Variants in RGS17 observed in about 807,000 individuals in gnomAD.
The protein encoded by RGS17 is regulator of G protein signaling 17, also known as regulator of G-protein signaling 17.
In RGS17, 12 loss-of-function variants were observed where a neutral mutation model predicts 25.5. That is an observed-to-expected ratio of 0.47 (90% CI 0.30 to 0.76). RGS17 has a LOEUF of 0.76. Ranked by LOEUF, RGS17 falls within the 30% of genes least tolerant of loss-of-function variation. The pLI, the probability that RGS17 is intolerant of heterozygous loss-of-function variation, is 0.07. For synonymous variants in RGS17, 71 were observed against 76.9 expected, an observed-to-expected ratio of 0.92 and a Z score of 0.40; for missense variants, 196 against 242.2, an observed-to-expected ratio of 0.81 and a Z score of 1.27.
chr6:153,023,383 C>T (rs747958122), intron 4 of RGS17: 1 of 510,472 alleles, frequency 2.0e-6, no homozygotes, highest in Non-Finnish European at 3.9e-6. Flanking sequence ...AGAAGACATT[C>T]TAGGAACCTC....
At chr6:153,122,673 C>T (rs1326987295) in intron 1 of RGS17, among the ~76,000 whole-genome samples, 2 of 151,870 alleles carry the variant, frequency 1.3e-5, no homozygotes, top group Non-Finnish European at 2.9e-5. Flanking sequence ...AACATTTGAG[C>T]TCTTGATATG....
intron 1 of RGS17, among the ~76,000 whole-genome samples, chr6:153,112,874 A>G (rs184591547): frequency 6.6e-6 from 1 of 152,334 alleles, no homozygotes; most frequent in African/African-American, 2.4e-5. Context: ...GCAAATGCTG[A>G]GAGATTTTGT....
Position 153,044,015 on chromosome 6 carries a change from G to A in RGS17, c.4C>T (p.Arg2Ter), listed in dbSNP as rs746172990. 4 of 1,603,306 alleles carry A rather than the reference G, an allele frequency of 2.5e-6. No homozygotes were observed. The highest frequency in any genetic ancestry group is 3.4e-6 in the Non-Finnish European group (4 of 1,171,538). The change falls in exon 2 of 5, where the codon CGA becomes TGA. Residue 2 changes from arginine (R) to a stop codon, truncating the protein, a stop_gained. Coordinates refer to ENST00000206262, the MANE Select transcript of RGS17 (RefSeq NM_012419.5). LOFTEE classifies it high-confidence loss of function. M[R>*]KRQQSQNEGT... ...TCATTTTGGGACTGCTGCCTTTTTC[G>A]CATTTCAGCTACTTCAGGACCCAGT...
At chr6:153,078,525 T>C (rs1776920372) in intron 1 of RGS17, among the ~76,000 whole-genome samples, 1 of 152,054 alleles carries the variant, frequency 6.6e-6, no homozygotes, top group African/African-American at 2.4e-5. Context: ...TAAAATACAA[T>C]AGGGTTTATA....
intron 1 of RGS17, among the ~76,000 whole-genome samples, chr6:153,053,428 G>C (rs1342170819): frequency 6.6e-6 from 1 of 152,168 alleles, no homozygotes; most frequent in Non-Finnish European, 1.5e-5. Flanking sequence ...GGCTGTGATT[G>C]CAAAAGAAAG....
chr6:153,012,454 A>G (rs1204861015), intron 4 of RGS17, among the ~76,000 whole-genome samples: 1 of 152,220 alleles, frequency 6.6e-6, no homozygotes, highest in African/African-American at 2.4e-5. Context: ...GATAATCAAT[A>G]CAGTGTTATT....
chr6:153,011,232 TACA>T lies in RGS17; in HGVS notation c.*339_*341del. On this transcript the variant is annotated 3_prime_UTR_variant, in exon 5 of 5. Transcript: ENST00000206262. ...TAAGTTATGCTACTGGATTAAATAT[TACA>T]ACAACTATGTGGCAAATGAAGCATT... is the stretch of plus-strand genomic sequence containing the variant. 1 of 189,364 alleles carries T rather than the reference TACA, an allele frequency of 5.3e-6. No homozygotes were observed. The highest frequency in any genetic ancestry group is 2.4e-5 in the African/African-American group (1 of 42,470). The allele number at this position is 189,364 out of a possible 1,614,324, so 11.7% of individuals were successfully genotyped here. A position where few individuals can be genotyped will look rare whatever the true frequency, so the allele number is the denominator to read the frequency against.
intron 1 of RGS17, among the ~76,000 whole-genome samples, chr6:153,090,508 A>C (rs1377052186): frequency 6.6e-6 from 1 of 151,180 alleles, no homozygotes; most frequent in Non-Finnish European, 1.5e-5. Flanking sequence ...AGTTCCAGCT[A>C]CTCAGGAGAC....
At chr6:153,073,896 C>T (rs1386114959) in intron 1 of RGS17, among the ~76,000 whole-genome samples, 1 of 152,116 alleles carries the variant, frequency 6.6e-6, no homozygotes, top group African/African-American at 2.4e-5. Context: ...GAGGACTGTC[C>T]TGTTGGACCA....
chr6:153,057,319 A>G (rs1342125167), intron 1 of RGS17, among the ~76,000 whole-genome samples: 2 of 152,162 alleles, frequency 1.3e-5, no homozygotes, highest in African/African-American at 4.8e-5. Context: ...TGAATTGGAA[A>G]AGAAATGAGT....
intron 1 of RGS17, among the ~76,000 whole-genome samples, chr6:153,063,351 C>A (rs1313551646): frequency 2.0e-5 from 3 of 152,050 alleles, no homozygotes. Context: ...AGAAGGAATT[C>A]AGAATTCTAT....
At chr6:153,099,664 T>C (rs1450261090) in intron 1 of RGS17, among the ~76,000 whole-genome samples, 1 of 152,190 alleles carries the variant, frequency 6.6e-6, no homozygotes, top group Non-Finnish European at 1.5e-5. Flanking sequence ...GATGTCAGGA[T>C]TTGTAATCAG....
At chr6:153,072,942 AAAT>A (rs1233767179) in intron 1 of RGS17, among the ~76,000 whole-genome samples, 5 of 122,110 alleles carry the variant, frequency 4.1e-5, no homozygotes, top group Non-Finnish European at 8.5e-5. Flanking sequence ...CAAAGTTAAA[AAAT>A]ATATGTCTTA....
chr6:153,056,445 C>T (rs1220792859), intron 1 of RGS17, among the ~76,000 whole-genome samples: 3 of 152,140 alleles, frequency 2.0e-5, no homozygotes, highest in Non-Finnish European at 4.4e-5. Context: ...AATAGAAAGA[C>T]TCTTTATTCC....
At chr6:153,026,872 A>G (rs1433689489) in intron 2 of RGS17, among the ~76,000 whole-genome samples, 2 of 151,774 alleles carry the variant, frequency 1.3e-5, no homozygotes, top group African/African-American at 4.8e-5. Flanking sequence ...ATATGTATAT[A>G]CACACACACA....
chr6:153,013,037 G>T (rs1422056323), intron 4 of RGS17, among the ~76,000 whole-genome samples: 1 of 152,044 alleles, frequency 6.6e-6, no homozygotes, highest in African/African-American at 2.4e-5. Flanking sequence ...AACTCATACA[G>T]GGACACCTCA....
chr6:153,092,854 T>C (rs990108522), intron 1 of RGS17, among the ~76,000 whole-genome samples: 2 of 152,220 alleles, frequency 1.3e-5, no homozygotes, highest in Non-Finnish European at 2.9e-5. Context: ...GAAGCAGTTA[T>C]GGTTTCAATT....
At position 153,094,082 on chromosome 6, in the gene RGS17, CT is replaced by C. The variant is rs11371951; in HGVS notation, c.-26+37041del. Among the ~76,000 whole-genome samples the C allele has an allele frequency of 2.5e-3, 372 of 146,332 alleles. 2 individuals are homozygous for C. Among genetic ancestry groups the C allele is most frequent in the African/African-American group, 5.6e-3 (224 of 39,908 alleles). ...ATATATTACACACATCTATACTGAA[CT>C]TTTTTTTTTTTTGACTGACTCTCAT... On this transcript the variant is annotated intron_variant, in intron 1 of 4. Coordinates refer to ENST00000206262, the MANE Select transcript of RGS17 (RefSeq NM_012419.5).
intron 2 of RGS17, among the ~76,000 whole-genome samples, chr6:153,039,293 T>C (rs563994172): frequency 1.3e-5 from 2 of 152,274 alleles, no homozygotes; most frequent in East Asian, 3.9e-4. Context: ...AGACACAACA[T>C]TTTCCAAACG....
Sources: gnomAD v4.1 joint callset for allele counts (sites outside exome capture counted in the v4.1 genomes callset) on GRCh38, gnomAD v4.1.1 for gene constraint, MANE v1.5 for transcripts, NCBI Gene and HGNC (gene_info 2026-07-23, HGNC 2026-07-21) for gene names.